NRG3: variants seen among roughly 807,000 people sequenced by gnomAD.
The protein encoded by NRG3 is pro-neuregulin-3, membrane-bound isoform.
NRG3 carries 31 observed loss-of-function variants against 66.9 expected under a neutral mutation model. The observed-to-expected ratio is 0.46, with a 90% confidence interval of 0.35 to 0.63. NRG3 has a LOEUF of 0.63. Among genes scored for constraint, NRG3 ranks in the 20% least tolerant of loss-of-function variants. The pLI, the probability that NRG3 is intolerant of heterozygous loss-of-function variation, is 0.00. For synonymous variants in NRG3, 393 were observed against 359.4 expected (o/e 1.09, Z -1.06); for missense variants, 910 against 878.9 (o/e 1.04, Z -0.45).
intron 4 of NRG3, among the ~76,000 whole-genome samples, chr10:82,951,063 A>G (rs963040281): frequency 6.6e-6 from 1 of 152,216 alleles, no homozygotes; most frequent in Non-Finnish European, 1.5e-5. Context: ...CAGGGGCATC[A>G]GCACCACAGA....
intron 2 of NRG3, among the ~76,000 whole-genome samples, chr10:82,688,971 A>G (rs1417427525): frequency 6.6e-6 from 1 of 152,186 alleles, no homozygotes; most frequent in East Asian, 1.9e-4. Context: ...TATAATTTGT[A>G]TATCTGAATC....
intron 1 of NRG3, among the ~76,000 whole-genome samples, chr10:82,017,301 A>T (rs1017021040): frequency 1.3e-5 from 2 of 152,148 alleles, no homozygotes; most frequent in African/African-American, 4.8e-5. Context: ...TCCATGGTGT[A>T]TATGTGCCAC....
chr10:82,752,900 G>A (rs1274855339), intron 3 of NRG3, among the ~76,000 whole-genome samples: 2 of 152,090 alleles, frequency 1.3e-5, no homozygotes, highest in South Asian at 4.2e-4. Context: ...CCAGTTTATG[G>A]TATTTTGTTA....
chr10:82,813,252 T>G (rs889890433), intron 3 of NRG3, among the ~76,000 whole-genome samples: 2 of 148,466 alleles, frequency 1.3e-5, no homozygotes, highest in Non-Finnish European at 3.0e-5. Flanking sequence ...CTTGCTCTGT[T>G]GCCCAGGCTG....
intron 1 of NRG3, among the ~76,000 whole-genome samples, chr10:82,094,659 GAT>G (rs1564555799): frequency 1.3e-5 from 2 of 151,978 alleles, no homozygotes; most frequent in African/African-American, 4.8e-5. Context: ...TTCATGGCGA[GAT>G]ATATATATCA....
chr10:82,642,634 C>T (rs970470436), intron 2 of NRG3, among the ~76,000 whole-genome samples: 11 of 151,386 alleles, frequency 7.3e-5, no homozygotes, highest in African/African-American at 2.7e-4. Context: ...CTGGTTCTTC[C>T]AATATACATA....
chr10:82,731,274 G>A (rs951370803), intron 2 of NRG3, among the ~76,000 whole-genome samples: 7 of 151,298 alleles, frequency 4.6e-5, no homozygotes, highest in Non-Finnish European at 5.9e-5. Context: ...GGCTGAGGCA[G>A]GAGAATTGCT....
rs575448326 is a variant in NRG3, at chr10:82,949,415, T to A, written c.1055-2054T>A. On this transcript the variant is annotated intron_variant, in intron 4 of 8. Coordinates refer to ENST00000372141, the MANE Select transcript of NRG3 (RefSeq NM_001010848.4). ...TGAATTTGAATCGATTGTTTTTCTT[T>A]AATTTTCAGTGATGAGAAGCCCCCG... Among the ~76,000 whole-genome samples, 9 of 152,286 alleles carry A rather than the reference T, an allele frequency of 5.9e-5. No individual in the cohort carries two copies. The South Asian group carries it at 1.9e-3, about 32-fold the overall frequency.
chr10:82,337,343 G>A (rs1277809283), intron 1 of NRG3, among the ~76,000 whole-genome samples: 1 of 152,132 alleles, frequency 6.6e-6, no homozygotes, highest in Admixed American at 6.5e-5. Flanking sequence ...AGTAAATAAT[G>A]TCTTTTATTA....
chr10:82,326,909 CA>C lies in NRG3; in HGVS notation c.824-31823del, dbSNP rs56995139. 7.8e-3 allele frequency among the ~76,000 whole-genome samples: 1,188 copies of C among 152,040 alleles called. 16 individuals are homozygous for C. Among genetic ancestry groups the C allele is most frequent in the African/African-American group, 0.028 (1,143 of 41,472 alleles). On this transcript the variant is annotated intron_variant, in intron 1 of 8. Transcript: ENST00000372141. Reference sequence around the variant, plus strand: ...AATTGTAATTACAAATTAGCTATGTCAAAAAAAGATTGTTTAAAAAATAAGG... The same window carrying C: ...AATTGTAATTACAAATTAGCTATGTCAAAAAAGATTGTTTAAAAAATAAGG...
chr10:82,823,625 CA>C (rs1324632424), intron 3 of NRG3, among the ~76,000 whole-genome samples: 1 of 152,082 alleles, frequency 6.6e-6, no homozygotes, highest in Non-Finnish European at 1.5e-5. Context: ...TGAGAGCTCA[CA>C]GCTGTATATC....
intron 1 of NRG3, among the ~76,000 whole-genome samples, chr10:81,952,246 A>G (rs1452096710): frequency 6.6e-6 from 1 of 152,186 alleles, no homozygotes; most frequent in East Asian, 1.9e-4. Flanking sequence ...TATAATAATA[A>G]TAAAGAGTCA....
At chr10:82,746,328 G>A (rs185629987) in intron 3 of NRG3, among the ~76,000 whole-genome samples, 14 of 152,230 alleles carry the variant, frequency 9.2e-5, no homozygotes, top group Admixed American at 5.2e-4. Flanking sequence ...TGTTGGCCCC[G>A]GCTCACTGGG....
chr10:81,910,750 T>C (rs1845058336), intron 1 of NRG3, among the ~76,000 whole-genome samples: 1 of 152,166 alleles, frequency 6.6e-6, no homozygotes, highest in African/African-American at 2.4e-5. Context: ...TGGGCTCAAG[T>C]GACCCTTCCA....
intron 1 of NRG3, among the ~76,000 whole-genome samples, chr10:82,323,003 G>A (rs1213198269): frequency 6.6e-6 from 1 of 152,086 alleles, no homozygotes; most frequent in Non-Finnish European, 1.5e-5. Flanking sequence ...GTTACTAACG[G>A]GTAAGAATAA....
intron 3 of NRG3, among the ~76,000 whole-genome samples, chr10:82,831,551 C>T (rs1040669593): frequency 6.6e-6 from 1 of 152,128 alleles, no homozygotes; most frequent in Non-Finnish European, 1.5e-5. Context: ...CGCAGTGGCT[C>T]ACGCCTGTAA....
intron 2 of NRG3, among the ~76,000 whole-genome samples, chr10:82,522,740 T>C (rs1846317765): frequency 6.6e-6 from 1 of 152,184 alleles, no homozygotes; most frequent in Admixed American, 6.5e-5. Context: ...TGAAATTCAA[T>C]TTAACATGGT....
At chr10:82,434,604 A>G (rs2090016104) in intron 2 of NRG3, among the ~76,000 whole-genome samples, 1 of 152,048 alleles carries the variant, frequency 6.6e-6, no homozygotes, top group African/African-American at 2.4e-5. Context: ...AGCTTTTATT[A>G]TTTTGAGATA....
rs2068251515 is a variant in NRG3 at position 82,123,847 on chromosome 10, C to T, written c.824-234892C>T. On this transcript the variant is annotated intron_variant, in intron 1 of 8. Transcript: ENST00000372141. ...TCTGGAGCATCTGGATCTGTATGAC[C>T]TGGAAGGCAGCAATTGGCATTAGTT... Among the ~76,000 whole-genome samples the T allele has an allele frequency of 1.3e-5, 2 of 149,818 alleles. 1 individual carries two copies. Among genetic ancestry groups the T allele is most frequent in the South Asian group, 4.2e-4 (2 of 4,810 alleles).
Sources: allele counts gnomAD v4.1 joint callset (sites outside exome capture counted in the v4.1 genomes callset), GRCh38; gene constraint gnomAD v4.1.1; transcripts MANE v1.5; gene names NCBI Gene and HGNC (gene_info 2026-07-23, HGNC 2026-07-21).